MINDY4B: variants seen among roughly 807,000 people sequenced by gnomAD.
MINDY4B encodes inactive ubiquitin carboxyl-terminal hydrolase MINDY-4B.
MINDY4B carries 25 observed loss-of-function variants against 16.7 expected under a neutral mutation model. The observed-to-expected ratio is 1.49, with a 90% confidence interval of 1.09 to 2.09. MINDY4B has a LOEUF of 2.09. MINDY4B is among the 30% of genes most tolerant of loss of function. MINDY4B has a pLI of 0.00. For missense variants in MINDY4B, 327 were observed against 168.4 expected (o/e 1.94, Z -5.21); for synonymous variants, 132 against 61.9 (o/e 2.13, Z -5.32).
intron 7 of MINDY4B, among the ~76,000 whole-genome samples, chr3:150,887,461 A>G (rs1345158889): frequency 1.3e-5 from 2 of 152,234 alleles, no homozygotes; most frequent in African/African-American, 2.4e-5. Flanking sequence ...TGTTTCTGGG[A>G]TTAGGATGTG....
intron 7 of MINDY4B, among the ~76,000 whole-genome samples, chr3:150,886,089 G>C (rs991710896): frequency 6.6e-6 from 1 of 152,132 alleles, no homozygotes; most frequent in Admixed American, 6.5e-5. Flanking sequence ...TCTTTTCTTG[G>C]ACAGGTTTCT....
At chr3:150,891,784 A>T (rs956231917) in intron 5 of MINDY4B, among the ~76,000 whole-genome samples, 1 of 147,764 alleles carries the variant, frequency 6.8e-6, no homozygotes, top group East Asian at 2.0e-4. Flanking sequence ...AAAAAAAAAA[A>T]GTCAAGGAGC....
At chr3:150,880,470 A>G (rs939671721) in intron 10 of MINDY4B, among the ~76,000 whole-genome samples, 5 of 152,250 alleles carry the variant, frequency 3.3e-5, no homozygotes, top group Non-Finnish European at 7.3e-5. Flanking sequence ...TTAAATATGT[A>G]TTAGGAAAAA....
At chr3:150,897,852 G>A (rs553033155) in intron 3 of MINDY4B, among the ~76,000 whole-genome samples, 5 of 152,324 alleles carry the variant, frequency 3.3e-5, no homozygotes, top group Admixed American at 6.5e-5. Flanking sequence ...GACTTGGTGT[G>A]TGCTATGGTC....
chr3:150,901,674 C>T (rs1454378571), intron 3 of MINDY4B, among the ~76,000 whole-genome samples: 1 of 151,930 alleles, frequency 6.6e-6, no homozygotes, highest in Non-Finnish European at 1.5e-5. Flanking sequence ...GGATGTGCCA[C>T]CATGCCTGGC....
At chr3:150,897,913 T>C (rs1712019114) in intron 3 of MINDY4B, among the ~76,000 whole-genome samples, 1 of 152,210 alleles carries the variant, frequency 6.6e-6, no homozygotes, top group South Asian at 2.1e-4. Flanking sequence ...TGAAAACTAA[T>C]GGAAAATGTT....
At chr3:150,883,609 G>T in intron 9 of MINDY4B, 91 bp downstream of exon 9, 1 of 660,748 alleles carries the variant, frequency 1.5e-6, no homozygotes, top group Non-Finnish European at 2.7e-6. Flanking sequence ...CCAAAATTCA[G>T]ATTGCTTTTC....
At position 150,870,766 on chromosome 3, in the gene MINDY4B, C is replaced by A. The variant is rs534985923; in HGVS notation, c.*279G>T. ...GGAAAAACATGCAAGAGAGAGGCTT[C>A]ATTTTCTCTTTTGAATAAAAGAAAG... On this transcript the variant is annotated 3_prime_UTR_variant, in exon 12 of 12. Transcript: ENST00000465419. Among the ~76,000 whole-genome samples, 4 of 152,312 alleles carry A rather than the reference C, an allele frequency of 2.6e-5. No individual in the cohort carries two copies. The highest frequency in any genetic ancestry group is 9.6e-5 in the African/African-American group (4 of 41,562).
intron 10 of MINDY4B, among the ~76,000 whole-genome samples, chr3:150,881,673 T>C (rs1233735809): frequency 6.9e-6 from 1 of 145,908 alleles, no homozygotes; most frequent in Non-Finnish European, 1.5e-5. Context: ...TTCTGAAAAA[T>C]GTTCCTGAAA....
intron 7 of MINDY4B, 40 bp downstream of exon 7, chr3:150,890,280 A>C (rs1711764142): frequency 6.6e-6 from 3 of 457,342 alleles, no homozygotes; most frequent in Non-Finnish European, 7.8e-6. Flanking sequence ...CTGTAAGATC[A>C]GTCAACATAA....
At chr3:150,904,482 A>T (rs1308647227) in intron 2 of MINDY4B, among the ~76,000 whole-genome samples, 11 of 152,126 alleles carry the variant, frequency 7.2e-5, no homozygotes, top group African/African-American at 2.7e-4. Context: ...TACCATGAAA[A>T]CCACCTTAAT....
At chr3:150,892,372 TAATA>T (rs1711839372) in intron 5 of MINDY4B, among the ~76,000 whole-genome samples, 1 of 152,232 alleles carries the variant, frequency 6.6e-6, no homozygotes, top group Admixed American at 6.5e-5. Flanking sequence ...GGCACTCCCT[TAATA>T]AATCACTTGC....
intron 11 of MINDY4B, among the ~76,000 whole-genome samples, chr3:150,872,299 A>T (rs1296003522): frequency 6.6e-6 from 1 of 152,244 alleles, no homozygotes; most frequent in Admixed American, 6.5e-5. Flanking sequence ...ATTTCTCATA[A>T]TTAAAGAAAA....
intron 10 of MINDY4B, among the ~76,000 whole-genome samples, chr3:150,879,069 C>T (rs942841823): frequency 6.6e-6 from 1 of 152,128 alleles, no homozygotes; most frequent in African/African-American, 2.4e-5. Context: ...TAAGATAAAG[C>T]CTGCAACTTG....
At chr3:150,887,421 C>A (rs1334908767) in intron 7 of MINDY4B, among the ~76,000 whole-genome samples, 1 of 152,114 alleles carries the variant, frequency 6.6e-6, no homozygotes, top group Non-Finnish European at 1.5e-5. Context: ...AAAGCAAAAC[C>A]AAGAATAAAG....
chr3:150,878,089 G>A (rs1711499456), intron 10 of MINDY4B, among the ~76,000 whole-genome samples: 1 of 152,050 alleles, frequency 6.6e-6, no homozygotes, highest in Admixed American at 6.6e-5. Flanking sequence ...TGGGCTTAAA[G>A]TAATACTGAT....
At chr3:150,875,511 G>T (rs895762271) in intron 10 of MINDY4B, among the ~76,000 whole-genome samples, 1 of 152,162 alleles carries the variant, frequency 6.6e-6, no homozygotes, top group African/African-American at 2.4e-5. Flanking sequence ...CAGAATATTT[G>T]TAATGTAGGT....
At chr3:150,897,101 T>C (rs1240980371) in intron 3 of MINDY4B, among the ~76,000 whole-genome samples, 1 of 152,138 alleles carries the variant, frequency 6.6e-6, no homozygotes, top group Non-Finnish European at 1.5e-5. Context: ...ACTTTCTCAC[T>C]AGGTAACTCA....
chr3:150,890,673 C>G, intron 6 of MINDY4B: 2 of 496,298 alleles, frequency 4.0e-6, no homozygotes, highest in Non-Finnish European at 7.2e-6. Flanking sequence ...GTCTTTCGGA[C>G]AGTGGATATG....
Sources: allele counts gnomAD v4.1 joint callset (sites outside exome capture counted in the v4.1 genomes callset), GRCh38; gene constraint gnomAD v4.1.1; transcripts MANE v1.5; gene names NCBI Gene and HGNC (gene_info 2026-07-23, HGNC 2026-07-21).